GNAQ: variants seen among roughly 807,000 people sequenced by gnomAD.
The protein encoded by GNAQ is guanine nucleotide-binding protein G(q) subunit alpha.
A neutral mutation model predicts 43.9 loss-of-function variants in GNAQ; 8 were observed. That is an observed-to-expected ratio of 0.18 (90% confidence interval 0.11 to 0.33). The LOEUF (loss-of-function observed/expected upper bound fraction) is 0.33, where lower values mean the gene tolerates loss of function less well. Ranked by LOEUF, GNAQ falls within the 10% of genes least tolerant of loss-of-function variation. The pLI, the probability that GNAQ is intolerant of heterozygous loss-of-function variation, is 1.00. For synonymous variants in GNAQ, 155 were observed against 170.7 expected (o/e 0.91, Z 0.71); for missense variants, 158 against 450.8 (o/e 0.35, Z 5.88).
chr9:77,761,941 G>A (rs1826037220), intron 5 of GNAQ, among the ~76,000 whole-genome samples: 1 of 136,900 alleles, frequency 7.3e-6, no homozygotes, highest in South Asian at 2.3e-4. Context: ...CGTCCGGGAG[G>A]GAGGTGCGGG....
At chr9:77,815,490 C>G in intron 3 of GNAQ, 126 bp downstream of exon 3, 3 of 575,628 alleles carry the variant, frequency 5.2e-6, no homozygotes, top group Non-Finnish European at 8.9e-6. Flanking sequence ...ATCTATATTC[C>G]CTAACTTTTA....
chr9:77,887,918 A>G (rs969410639), intron 2 of GNAQ, among the ~76,000 whole-genome samples: 69 of 152,232 alleles, frequency 4.5e-4, no homozygotes, highest in African/African-American at 1.6e-3. Context: ...GCACATGAAT[A>G]ATTCTTTTAG....
chr9:77,817,265 A>C (rs970930809), intron 2 of GNAQ, among the ~76,000 whole-genome samples: 1 of 152,152 alleles, frequency 6.6e-6, no homozygotes, highest in African/African-American at 2.4e-5. Flanking sequence ...TAGGCAGTGT[A>C]ATATTTGTTG....
intron 2 of GNAQ, among the ~76,000 whole-genome samples, chr9:77,910,586 G>C (rs970848227): frequency 1.3e-5 from 2 of 152,084 alleles, no homozygotes; most frequent in African/African-American, 4.8e-5. Flanking sequence ...TGCTAAAGCA[G>C]AGTTCGCTCA....
At chr9:77,875,610 A>G (rs1446024884) in intron 2 of GNAQ, among the ~76,000 whole-genome samples, 1 of 152,170 alleles carries the variant, frequency 6.6e-6, no homozygotes, top group South Asian at 2.1e-4. Flanking sequence ...AATGCCACTA[A>G]AGAGCTTCAG....
chr9:77,808,758 C>A (rs574574221), intron 3 of GNAQ, among the ~76,000 whole-genome samples: 31 of 152,144 alleles, frequency 2.0e-4, no homozygotes, highest in Admixed American at 1.8e-3. Context: ...TTAGTCAATG[C>A]CCCCGAGGTA....
intron 2 of GNAQ, among the ~76,000 whole-genome samples, chr9:77,897,937 C>A (rs1176180195): frequency 2.2e-5 from 2 of 89,090 alleles, no homozygotes. Flanking sequence ...AAAACACTTT[C>A]CCTGGAAAAA....
intron 1 of GNAQ, among the ~76,000 whole-genome samples, chr9:77,938,559 G>A (rs1829266973): frequency 6.6e-6 from 1 of 152,216 alleles, no homozygotes; most frequent in South Asian, 2.1e-4. Context: ...GTGAAAATGG[G>A]CAAGAAGGAA....
intron 5 of GNAQ, among the ~76,000 whole-genome samples, chr9:77,740,560 A>G (rs1825637842): frequency 6.6e-6 from 1 of 152,230 alleles, no homozygotes; most frequent in Non-Finnish European, 1.5e-5. Flanking sequence ...CAAAATACAT[A>G]AAATATTCTG....
At chr9:77,949,799 C>T (rs1242039250) in intron 1 of GNAQ, among the ~76,000 whole-genome samples, 1 of 152,082 alleles carries the variant, frequency 6.6e-6, no homozygotes, top group Admixed American at 6.6e-5. Flanking sequence ...CCATATTTCC[C>T]GTATCTTTAT....
chr9:77,891,593 C>T (rs1828406197), intron 2 of GNAQ, among the ~76,000 whole-genome samples: 1 of 152,150 alleles, frequency 6.6e-6, no homozygotes, highest in Admixed American at 6.5e-5. Flanking sequence ...CTCAACACCC[C>T]AGCCTGAGGG....
chr9:77,961,244 A>G (rs974176698), intron 1 of GNAQ, among the ~76,000 whole-genome samples: 3 of 152,196 alleles, frequency 2.0e-5, no homozygotes, highest in Admixed American at 6.5e-5. Flanking sequence ...GGATACAAAT[A>G]AGGTAAATCC....
rs368534064 is a variant in GNAQ, at chr9:78,009,083, G to A, written c.136+22017C>T. On this transcript the variant is annotated intron_variant, in intron 1 of 6. Coordinates refer to ENST00000286548, the MANE Select transcript of GNAQ (RefSeq NM_002072.5). ...GGGTAAAGGGAGATTAAATCTATTT[G>A]GCTGTAAAGTAAATAGGTACCAAAT... 1.6e-4 allele frequency among the ~76,000 whole-genome samples: 25 copies of A among 152,206 alleles called. No homozygotes were observed. The East Asian group carries it at 4.2e-3, about 26-fold the overall frequency.
At chr9:77,980,060 G>A (rs910646127) in intron 1 of GNAQ, among the ~76,000 whole-genome samples, 1 of 152,148 alleles carries the variant, frequency 6.6e-6, no homozygotes, top group Non-Finnish European at 1.5e-5. Flanking sequence ...AAAGAGCAAC[G>A]GCTGTGGGGT....
intron 2 of GNAQ, among the ~76,000 whole-genome samples, chr9:77,869,190 G>C (rs1827996925): frequency 6.6e-6 from 1 of 151,604 alleles, no homozygotes; most frequent in South Asian, 2.1e-4. Flanking sequence ...ATTTCAATAG[G>C]AAAAAACAAA....
Position 77,728,537 on chromosome 9 carries a change from A to C in GNAQ, c.866T>G (p.Val289Gly). ...ACCATCATATTCTGGGAAGTAGTCG[A>C]CTAGATGGGAATACATGATTTTCTC... is the stretch of plus-strand genomic sequence containing the variant. Reference protein sequence around the residue: ...LEEKIMYSHLVDYFPEYDGPQ... With the variant: ...LEEKIMYSHLGDYFPEYDGPQ... The change falls in exon 6 of 7, where the codon GTC becomes GGC. Residue 289 changes from valine (V) to glycine (G), a missense_variant. Val to Gly is a moderately radical substitution (Grantham distance 109). Around this residue, in one of 9 missense-constraint regions of GNAQ, gnomAD observed 56 missense variants for 172.2 expected, o/e 0.33. Transcript: ENST00000286548. 1 of 1,605,158 alleles carries C rather than the reference A, an allele frequency of 6.2e-7. No homozygotes were observed.
chr9:77,993,292 C>G (rs1328625598), intron 1 of GNAQ, among the ~76,000 whole-genome samples: 3 of 151,994 alleles, frequency 2.0e-5, no homozygotes, highest in Non-Finnish European at 4.4e-5. Flanking sequence ...TATATATAGA[C>G]TATATCAGAT....
intron 2 of GNAQ, among the ~76,000 whole-genome samples, chr9:77,817,790 T>C: frequency 6.6e-6 from 1 of 152,192 alleles, no homozygotes; most frequent in East Asian, 1.9e-4. Context: ...ACATGAGCGA[T>C]GCTGCATGGG....
intron 2 of GNAQ, among the ~76,000 whole-genome samples, chr9:77,900,884 C>G (rs745888250): frequency 6.6e-6 from 1 of 152,166 alleles, no homozygotes; most frequent in Non-Finnish European, 1.5e-5. Context: ...AGTTTCAAAG[C>G]AATGAGTGTC....
Sources: gnomAD v4.1 joint callset for allele counts (sites outside exome capture counted in the v4.1 genomes callset) on GRCh38, gnomAD v4.1.1 for gene constraint, gnomAD v4.1.1 regional missense constraint, MANE v1.5 for transcripts, NCBI Gene and HGNC (gene_info 2026-07-23, HGNC 2026-07-21) for gene names.